Variants in TM9SF4 observed in about 807,000 individuals in gnomAD.
The protein encoded by TM9SF4 is transmembrane 9 superfamily member 4, also known as dinucleotide oxidase disulfide thiol exchanger 3 superfamily member 4.
TM9SF4 carries 26 observed loss-of-function variants against 90.4 expected under a neutral mutation model. That is an observed-to-expected ratio of 0.29 (90% CI 0.21 to 0.40). TM9SF4 has a LOEUF of 0.40. TM9SF4 is among the 10% of genes least tolerant of loss of function. TM9SF4 has a pLI of 1.00. For synonymous variants in TM9SF4, 293 were observed against 315.4 expected (o/e 0.93, Z 0.75); for missense variants, 549 against 834.8 (o/e 0.66, Z 4.22).
Position 32,141,755 on chromosome 20 carries a change from TC to T in TM9SF4, c.399-10del. 6.2e-7 allele frequency: 1 copy of T among 1,613,960 alleles called. No individual in the cohort carries two copies. The highest frequency in any genetic ancestry group is 1.3e-5 in the African/African-American group (1 of 75,026). ...GGTCGAGAGGGACTGAGTGGGGCCT[TC>T]ACTTTCCAGCATTGCTGACAACCTG... On this transcript the variant is annotated splice_polypyrimidine_tract_variant and intron_variant, in intron 4 of 17. Coordinates refer to ENST00000398022, the MANE Select transcript of TM9SF4 (RefSeq NM_014742.4).
At chr20:32,158,007 G>A (rs2046954791) in intron 14 of TM9SF4, 38 bp downstream of exon 14, 1 of 1,611,402 alleles carries the variant, frequency 6.2e-7, no homozygotes, top group African/African-American at 1.3e-5. Flanking sequence ...GGGGAACGTG[G>A]AAGAGGGTAC....
chr20:32,114,250 C>T (rs2046189439), intron 1 of TM9SF4, among the ~76,000 whole-genome samples: 1 of 152,204 alleles, frequency 6.6e-6, no homozygotes, highest in African/African-American at 2.4e-5. Context: ...GAATAAATGA[C>T]ATCAAGATTC....
chr20:32,162,462 T>C lies in TM9SF4; in HGVS notation c.1779+1097T>C, dbSNP rs541633359. On this transcript the variant is annotated intron_variant, in intron 17 of 17. Coordinates refer to ENST00000398022, the MANE Select transcript of TM9SF4 (RefSeq NM_014742.4). ...CAGCAGGCCTGTTTCTATAAATTTT[T>C]ATTGGAACACAGCCATGGTCATTCA... 7.2e-5 allele frequency among the ~76,000 whole-genome samples: 11 copies of C among 152,380 alleles called. No individual in the cohort carries two copies. In the East Asian group the frequency reaches 2.1e-3, roughly 29 times the overall value.
chr20:32,127,276 C>T (rs1276940976), intron 1 of TM9SF4, among the ~76,000 whole-genome samples: 1 of 152,172 alleles, frequency 6.6e-6, no homozygotes, highest in African/African-American at 2.4e-5. Context: ...TGTTAGCTGC[C>T]ATTGTTATGA....
Position 32,155,125 on chromosome 20 carries a change from T to G in TM9SF4, c.1268T>G (p.Val423Gly), listed in dbSNP as rs2122456626. Residue 423 changes from valine to glycine, a missense_variant, in exon 13 of 18, where the codon GTG becomes GGG. Physicochemically the swap from Val to Gly is moderately radical, Grantham distance 109. Around this residue, in one of 2 missense-constraint regions of TM9SF4, gnomAD observed 495 missense variants for 711.7 expected, o/e 0.70. Transcript: ENST00000398022. ...AFCTATLYPGVVFGICFVLNC... is the reference protein window; with the variant it reads ...AFCTATLYPGGVFGICFVLNC... Reference sequence around the variant, plus strand: ...CAGACGGCAACTCTGTACCCTGGTGTGGTTTTTGGCATCTGCTTCGTATTG... The same window carrying G: ...CAGACGGCAACTCTGTACCCTGGTGGGGTTTTTGGCATCTGCTTCGTATTG... The G allele has an allele frequency of 6.2e-7, 1 of 1,614,180 alleles. No individual in the cohort carries two copies. Among genetic ancestry groups the G allele is most frequent in the African/African-American group, 1.3e-5 (1 of 75,052 alleles).
At chr20:32,159,913 G>A in intron 15 of TM9SF4, 79 bp from the exon 16 acceptor site, 2 of 1,592,232 alleles carry the variant, frequency 1.3e-6, no homozygotes, top group Non-Finnish European at 1.7e-6. Flanking sequence ...GTCCACTCCT[G>A]CCCTTGTGAC....
intron 1 of TM9SF4, among the ~76,000 whole-genome samples, chr20:32,121,571 G>T (rs1258680539): frequency 6.6e-6 from 1 of 151,988 alleles, no homozygotes; most frequent in Non-Finnish European, 1.5e-5. Flanking sequence ...TCTTAGTACA[G>T]AACAAAATGA....
rs1465164966 is a variant in TM9SF4 at position 32,143,075 on chromosome 20, G to A, written c.622G>A (p.Glu208Lys). The change falls in exon 6 of 18, where the codon GAG (glutamate) becomes AAG (lysine). Residue 208 changes from glutamate to lysine, a missense_variant. Physicochemically the swap from Glu to Lys is moderately conservative, Grantham distance 56 (BLOSUM62 1). Around this residue, in one of 2 missense-constraint regions of TM9SF4, gnomAD observed 495 missense variants for 711.7 expected, o/e 0.70. Coordinates refer to ENST00000398022, the MANE Select transcript of TM9SF4 (RefSeq NM_014742.4). ...GCACACGTACCGTGTCGTCCGCTTC[G>A]AGGTGATTCCCCAGAGCATCAGGCT... ...QEHTYRVVRF[E>K]VIPQSIRLED... 6.2e-7 allele frequency: 1 copy of A among 1,613,564 alleles called. No individual in the cohort carries two copies. Among genetic ancestry groups the A allele is most frequent in the Non-Finnish European group, 8.5e-7 (1 of 1,179,752 alleles).
chr20:32,138,203 G>A (rs1162113489), intron 3 of TM9SF4, among the ~76,000 whole-genome samples: 1 of 152,174 alleles, frequency 6.6e-6, no homozygotes, highest in African/African-American at 2.4e-5. Context: ...CTGTGCTAAT[G>A]GTTGTCACAT....
intron 3 of TM9SF4, among the ~76,000 whole-genome samples, chr20:32,137,708 G>A (rs2046614014): frequency 6.6e-6 from 1 of 152,170 alleles, no homozygotes; most frequent in African/African-American, 2.4e-5. Flanking sequence ...TGGATTGTAA[G>A]CCATTTACAT....
intron 1 of TM9SF4, among the ~76,000 whole-genome samples, chr20:32,123,866 A>ATATATATATATATTTTTT: frequency 1.1e-5 from 1 of 93,962 alleles, no homozygotes; most frequent in African/African-American, 4.5e-5. Flanking sequence ...ATATATATAT[A>ATATATATATATATTTTTT]TTTTTTTTTT....
Position 32,133,084 on chromosome 20 carries a change from C to A in TM9SF4, c.87C>A (p.Val29=). The A allele has an allele frequency of 6.2e-7, 1 of 1,614,080 alleles. No homozygotes were observed. The highest frequency in any genetic ancestry group is 8.5e-7 in the Non-Finnish European group (1 of 1,180,016). The change falls in exon 2 of 18, where the codon GTC becomes GTA. Residue 29 remains valine, a synonymous_variant. Transcript: ENST00000398022. Reference sequence around the variant, plus strand: ...CAAGCGCCTTCTATGTGCCTGGGGTCGCGCCTATCAACTTCCACCAGAACG... The same window carrying A: ...CAAGCGCCTTCTATGTGCCTGGGGTAGCGCCTATCAACTTCCACCAGAACG... ...CETSAFYVPG[V]APINFHQNDP...
At chr20:32,118,774 T>C (rs2046264503) in intron 1 of TM9SF4, among the ~76,000 whole-genome samples, 1 of 152,116 alleles carries the variant, frequency 6.6e-6, no homozygotes, top group African/African-American at 2.4e-5. Flanking sequence ...TAGCTGTGAC[T>C]ACAGGCAAGC....
At chr20:32,141,088 GCA>G (rs1473830050) in intron 3 of TM9SF4, among the ~76,000 whole-genome samples, 1 of 151,854 alleles carries the variant, frequency 6.6e-6, no homozygotes, top group African/African-American at 2.4e-5. Context: ...GTGGTGGCAT[GCA>G]CCTGTAGTCC....
chr20:32,160,673 A>G (rs1203425138), intron 16 of TM9SF4, among the ~76,000 whole-genome samples: 1 of 152,158 alleles, frequency 6.6e-6, no homozygotes, highest in Non-Finnish European at 1.5e-5. Flanking sequence ...TTTGCCAGCC[A>G]GGCACGGTAG....
At chr20:32,165,115 G>T (rs750947731) in intron 17 of TM9SF4, among the ~76,000 whole-genome samples, 180 bp from the exon 18 acceptor site, 3 of 152,180 alleles carry the variant, frequency 2.0e-5, no homozygotes, top group Non-Finnish European at 4.4e-5. Flanking sequence ...CACAGGCCTG[G>T]TCCAGATGAA....
intron 1 of TM9SF4, among the ~76,000 whole-genome samples, chr20:32,123,266 A>G (rs2046363209): frequency 7.6e-6 from 1 of 131,628 alleles, no homozygotes; most frequent in Non-Finnish European, 1.6e-5. Context: ...GTAATAGCTT[A>G]TGTTGGCAGT....
At chr20:32,146,746 G>A in intron 8 of TM9SF4, 39 bp from the exon 9 acceptor site, 1 of 1,605,498 alleles carries the variant, frequency 6.2e-7, no homozygotes. Flanking sequence ...CTTGCTGGCA[G>A]CGCCAACTTC....
chr20:32,127,472 A>C (rs889070591), intron 1 of TM9SF4, among the ~76,000 whole-genome samples: 1 of 152,164 alleles, frequency 6.6e-6, no homozygotes, highest in Non-Finnish European at 1.5e-5. Context: ...GGATACCACA[A>C]ATCAATGTTT....
Sources: allele counts gnomAD v4.1 joint callset (sites outside exome capture counted in the v4.1 genomes callset), GRCh38; gene constraint gnomAD v4.1.1; regional missense constraint gnomAD v4.1.1; transcripts MANE v1.5; gene names NCBI Gene and HGNC (gene_info 2026-07-23, HGNC 2026-07-21).